Variants in MCPH1 observed in about 807,000 individuals in gnomAD.
MCPH1 encodes microcephalin.
Under a neutral mutation model 84.5 loss-of-function variants are expected in MCPH1, and 104 were observed. That is an observed-to-expected ratio of 1.23 (90% CI 1.05 to 1.45). The LOEUF (loss-of-function observed/expected upper bound fraction) is 1.45, where lower values mean the gene tolerates loss of function less well. Ranked by LOEUF, MCPH1 falls within the 40% of genes most tolerant of loss-of-function variation. The pLI is 0.00. For missense variants in MCPH1, 1,498 were observed against 1,005.7 expected, an observed-to-expected ratio of 1.49 and a Z score of -6.62; for synonymous variants, 514 against 366.8, an observed-to-expected ratio of 1.40 and a Z score of -4.58.
chr8:6,533,231 G>A (rs988546234), intron 12 of MCPH1, among the ~76,000 whole-genome samples: 4 of 152,154 alleles, frequency 2.6e-5, no homozygotes, highest in East Asian at 1.9e-4. Flanking sequence ...TGATCATGCT[G>A]ACTAATTTTA....
intron 13 of MCPH1, among the ~76,000 whole-genome samples, chr8:6,641,396 A>G (rs769174958): frequency 6.6e-6 from 1 of 152,226 alleles, no homozygotes; most frequent in Non-Finnish European, 1.5e-5. Context: ...CAAAGTGTTG[A>G]TATAATTTGA....
intron 12 of MCPH1, among the ~76,000 whole-genome samples, chr8:6,561,232 C>T (rs930661996): frequency 6.6e-6 from 1 of 152,168 alleles, no homozygotes; most frequent in African/African-American, 2.4e-5. Flanking sequence ...CTTACTGGAG[C>T]GCTTAGCCAG....
At chr8:6,438,223 C>G (rs896988850) in intron 5 of MCPH1, among the ~76,000 whole-genome samples, 6 of 152,036 alleles carry the variant, frequency 3.9e-5, no homozygotes, top group African/African-American at 1.4e-4. Context: ...TCTTCTTAGA[C>G]CAAATATGTA....
chr8:6,467,878 A>G (rs1216850624), intron 9 of MCPH1, among the ~76,000 whole-genome samples: 1 of 152,210 alleles, frequency 6.6e-6, no homozygotes, highest in Admixed American at 6.5e-5. Flanking sequence ...GATTATAGGC[A>G]TGAACCACCA....
At position 6,473,320 on chromosome 8, in the gene MCPH1, C is replaced by CTTTTTTTTTTTTTT. The variant is rs56077837; in HGVS notation, c.1936-4259_1936-4246dup. Among the ~76,000 whole-genome samples the CTTTTTTTTTTTTTT allele has an allele frequency of 2.2e-4, 17 of 76,396 alleles. 2 individuals carry two copies. Among genetic ancestry groups the CTTTTTTTTTTTTTT allele is most frequent in the African/African-American group, 9.1e-4 (17 of 18,778 alleles). 50.1% of individuals were successfully genotyped at this position (76,396 alleles called of 152,430 possible). A position where few individuals can be genotyped will look rare whatever the true frequency, so the allele number is the denominator to read the frequency against. On this transcript the variant is annotated intron_variant, in intron 9 of 13. Coordinates refer to ENST00000344683, the MANE Select transcript of MCPH1 (RefSeq NM_024596.5). ...TGAAATGACAGTTTTTCTCTCAATC[C>CTTTTTTTTTTTTTT]TTTTTTTTTTTTTTTTTTTTTTTTT... is the stretch of plus-strand genomic sequence containing the variant.
chr8:6,628,932 G>C (rs1796962547), intron 13 of MCPH1, among the ~76,000 whole-genome samples: 1 of 152,196 alleles, frequency 6.6e-6, no homozygotes, highest in African/African-American at 2.4e-5. Context: ...GGAGTATGCT[G>C]AACTTGTGTT....
intron 12 of MCPH1, among the ~76,000 whole-genome samples, chr8:6,580,646 A>G (rs1275488014): frequency 6.6e-6 from 1 of 152,128 alleles, no homozygotes; most frequent in Non-Finnish European, 1.5e-5. Context: ...GCAAGACTCT[A>G]TCTCAACCAC....
At chr8:6,594,015 C>A (rs1308452999) in intron 12 of MCPH1, among the ~76,000 whole-genome samples, 1 of 152,214 alleles carries the variant, frequency 6.6e-6, no homozygotes, top group African/African-American at 2.4e-5. Flanking sequence ...TCTCCTATAA[C>A]CTCGTATAAC....
chr8:6,429,827 C>T (rs886903104), intron 3 of MCPH1, among the ~76,000 whole-genome samples: 1 of 152,158 alleles, frequency 6.6e-6, no homozygotes, highest in Non-Finnish European at 1.5e-5. Context: ...TGGCCTCCTC[C>T]TCCTGGACCA....
At chr8:6,413,879 C>T (rs937293095) in intron 2 of MCPH1, among the ~76,000 whole-genome samples, 2 of 151,960 alleles carry the variant, frequency 1.3e-5, no homozygotes, top group African/African-American at 4.8e-5. Context: ...CTCAGCCTCC[C>T]GAGTTGCTGA....
intron 12 of MCPH1, among the ~76,000 whole-genome samples, chr8:6,535,690 G>C (rs1820357058): frequency 6.6e-6 from 1 of 152,168 alleles, no homozygotes; most frequent in Non-Finnish European, 1.5e-5. Flanking sequence ...ATTAATTGAA[G>C]TCTTTGGGAG....
intron 10 of MCPH1, among the ~76,000 whole-genome samples, chr8:6,479,856 A>G (rs1375716119): frequency 2.6e-5 from 4 of 152,230 alleles, no homozygotes; most frequent in African/African-American, 9.6e-5. Context: ...AGAGCAGGAG[A>G]TAAGCCATAA....
intron 12 of MCPH1, among the ~76,000 whole-genome samples, chr8:6,615,017 G>A (rs748174874): frequency 1.3e-5 from 2 of 152,144 alleles, no homozygotes; most frequent in Non-Finnish European, 2.9e-5. Flanking sequence ...GGTTTCTAAG[G>A]TCCCCAGTAA....
chr8:6,527,772 A>G (rs148803765), intron 12 of MCPH1: 20 of 1,177,364 alleles, frequency 1.7e-5, no homozygotes, highest in African/African-American at 1.6e-4. Flanking sequence ...ACAGGAAAAC[A>G]TAACAAAAAC....
intron 13 of MCPH1, among the ~76,000 whole-genome samples, chr8:6,632,582 G>A (rs960681549): frequency 2.6e-5 from 4 of 152,140 alleles, no homozygotes; most frequent in African/African-American, 9.7e-5. Context: ...GGCCGAGGGG[G>A]GCGGATCACA....
chr8:6,607,847 C>T (rs1418327344), intron 12 of MCPH1, among the ~76,000 whole-genome samples: 1 of 152,188 alleles, frequency 6.6e-6, no homozygotes, highest in African/African-American at 2.4e-5. Flanking sequence ...ACTTCTTTCT[C>T]TTTATAAAGT....
chr8:6,418,933 A>G (rs17536414), intron 3 of MCPH1, among the ~76,000 whole-genome samples: 3,289 of 152,108 alleles, frequency 0.022, 42 homozygotes, highest in Non-Finnish European at 0.034. Flanking sequence ...TGAATTGATC[A>G]TTCCAGTTCT....
intron 13 of MCPH1, chr8:6,627,240 G>A: frequency 2.0e-6 from 2 of 985,390 alleles, no homozygotes; most frequent in Non-Finnish European, 2.4e-6. Flanking sequence ...GGCTTGATCA[G>A]TCACCGCAGT....
chr8:6,417,337 C>G (rs903032769), intron 3 of MCPH1, among the ~76,000 whole-genome samples: 1 of 152,160 alleles, frequency 6.6e-6, no homozygotes, highest in Non-Finnish European at 1.5e-5. Flanking sequence ...CAGCTCAGCT[C>G]TCTTGTGGTG....
Sources: allele counts gnomAD v4.1 joint callset (sites outside exome capture counted in the v4.1 genomes callset), GRCh38; gene constraint gnomAD v4.1.1; transcripts MANE v1.5; gene names NCBI Gene and HGNC (gene_info 2026-07-23, HGNC 2026-07-21).